GPC6: variants seen among roughly 807,000 people sequenced by gnomAD.
The protein encoded by GPC6 is glypican 6.
Under a neutral mutation model 55.2 loss-of-function variants are expected in GPC6, and 14 were observed. The observed-to-expected ratio is 0.25, with a 90% CI of 0.17 to 0.40. The LOEUF is 0.40. GPC6 is among the 10% of genes least tolerant of loss of function. The probability of loss-of-function intolerance (pLI) is 1.00; values close to 1 mark genes in which losing one functional copy is unlikely to be tolerated. For missense variants in GPC6, 641 were observed against 708.5 expected (o/e 0.90, Z 1.08); for synonymous variants, 278 against 259.6 (o/e 1.07, Z -0.68).
At chr13:94,316,525 G>T (rs1302347958) in intron 6 of GPC6, among the ~76,000 whole-genome samples, 1 of 151,940 alleles carries the variant, frequency 6.6e-6, no homozygotes, top group African/African-American at 2.4e-5. Flanking sequence ...AGACCATCCC[G>T]GCTAAAACGG....
chr13:94,282,937 T>C (rs1331154502), intron 4 of GPC6, among the ~76,000 whole-genome samples: 3 of 152,252 alleles, frequency 2.0e-5, no homozygotes, highest in Admixed American at 1.3e-4. Context: ...GTGTCGAAGA[T>C]ATTGCAGTCA....
intron 1 of GPC6, among the ~76,000 whole-genome samples, chr13:93,423,317 C>A (rs148069410): frequency 6.6e-6 from 1 of 152,154 alleles, no homozygotes; most frequent in African/African-American, 2.4e-5. Context: ...CTAAGCAGGA[C>A]AGAAAGTTGA....
At chr13:94,018,942 C>G (rs1181940876) in intron 3 of GPC6, among the ~76,000 whole-genome samples, 1 of 152,192 alleles carries the variant, frequency 6.6e-6, no homozygotes, top group Non-Finnish European at 1.5e-5. Flanking sequence ...ACCATTCCCC[C>G]ACCCCCACAC....
chr13:94,152,713 G>A (rs1887786218), intron 4 of GPC6, among the ~76,000 whole-genome samples: 1 of 151,912 alleles, frequency 6.6e-6, no homozygotes, highest in South Asian at 2.1e-4. Context: ...TCTCTTCAGT[G>A]CTGCAACTCT....
intron 3 of GPC6, among the ~76,000 whole-genome samples, chr13:93,832,122 A>ATATATAT (rs1223571882): frequency 8.3e-5 from 1 of 12,052 alleles, no homozygotes; most frequent in African/African-American, 4.4e-4. Flanking sequence ...AAAAAAAAAA[A>ATATATAT]ATATATATAT....
chr13:93,893,450 C>T (rs549928363), intron 3 of GPC6, among the ~76,000 whole-genome samples: 1 of 152,208 alleles, frequency 6.6e-6, no homozygotes, highest in East Asian at 1.9e-4. Context: ...ATATCTAAAA[C>T]AATCTATTAA....
intron 4 of GPC6, among the ~76,000 whole-genome samples, chr13:94,201,576 AAT>A (rs1889751271): frequency 6.6e-6 from 1 of 152,166 alleles, no homozygotes; most frequent in Admixed American, 6.5e-5. Context: ...AAAATTAACA[AAT>A]ATATGTCATG....
intron 3 of GPC6, among the ~76,000 whole-genome samples, chr13:93,882,080 C>CTTTT (rs1042433594): frequency 6.6e-6 from 1 of 150,852 alleles, no homozygotes; most frequent in South Asian, 2.1e-4. Flanking sequence ...CTTTTCTCTT[C>CTTTT]TTTTTTTTCT....
At chr13:93,495,222 T>C in intron 1 of GPC6, among the ~76,000 whole-genome samples, 1 of 140,246 alleles carries the variant, frequency 7.1e-6, no homozygotes, top group Non-Finnish European at 1.6e-5. Context: ...TTTGCTCATT[T>C]CTTTTTATTC....
At chr13:94,131,669 C>T (rs1026451921) in intron 4 of GPC6, among the ~76,000 whole-genome samples, 1 of 151,294 alleles carries the variant, frequency 6.6e-6, no homozygotes, top group Non-Finnish European at 1.5e-5. Flanking sequence ...GGAAAGAGGC[C>T]GTGAGTCTGA....
At chr13:93,526,030 A>C (rs191968203) in intron 1 of GPC6, among the ~76,000 whole-genome samples, 1 of 152,078 alleles carries the variant, frequency 6.6e-6, no homozygotes, top group African/African-American at 2.4e-5. Context: ...GTTAACAAAG[A>C]TGTATGATAT....
chr13:94,264,193 T>A (rs990762284), intron 4 of GPC6, among the ~76,000 whole-genome samples: 2 of 152,224 alleles, frequency 1.3e-5, no homozygotes, highest in African/African-American at 4.8e-5. Flanking sequence ...GGATCTAACA[T>A]GTTAGGCAAA....
chr13:94,397,019 G>A (rs1007743689), intron 7 of GPC6, among the ~76,000 whole-genome samples: 4 of 152,128 alleles, frequency 2.6e-5, no homozygotes, highest in South Asian at 2.1e-4. Flanking sequence ...AAAGATGTGC[G>A]TCAAATGTTT....
intron 1 of GPC6, among the ~76,000 whole-genome samples, chr13:93,442,487 A>G (rs774113422): frequency 6.6e-5 from 10 of 152,230 alleles, no homozygotes; most frequent in Non-Finnish European, 1.5e-4. Context: ...ACAATTTTAT[A>G]TCATCCTTCT....
chr13:93,489,350 A>G (rs1879861732), intron 1 of GPC6, among the ~76,000 whole-genome samples: 1 of 151,504 alleles, frequency 6.6e-6, no homozygotes, highest in Non-Finnish European at 1.5e-5. Flanking sequence ...TGGTACCAGT[A>G]CCATGCTGTT....
At chr13:94,146,094 A>G (rs1220765649) in intron 4 of GPC6, among the ~76,000 whole-genome samples, 2 of 152,166 alleles carry the variant, frequency 1.3e-5, no homozygotes, top group Non-Finnish European at 2.9e-5. Context: ...GTTTTCTGAT[A>G]TTTCTGCTTT....
At chr13:94,231,656 A>T (rs1307169043) in intron 4 of GPC6, among the ~76,000 whole-genome samples, 1 of 152,196 alleles carries the variant, frequency 6.6e-6, no homozygotes, top group Non-Finnish European at 1.5e-5. Flanking sequence ...GAGATCTCGG[A>T]AAATGGCTTT....
the GPC6 span, among the ~76,000 whole-genome samples, chr13:93,218,453 GC>G: frequency 2.0e-5 from 3 of 152,106 alleles, no homozygotes; most frequent in Non-Finnish European, 4.4e-5. Context: ...CAAGATCAGT[GC>G]TATTTTCCTA....
intron 6 of GPC6, among the ~76,000 whole-genome samples, chr13:94,362,527 G>C (rs185591743): frequency 6.6e-6 from 1 of 152,134 alleles, no homozygotes; most frequent in Admixed American, 6.5e-5. Flanking sequence ...TTTTATTCTC[G>C]GGGATAAGAC....
Sources: allele counts gnomAD v4.1 joint callset (sites outside exome capture counted in the v4.1 genomes callset), GRCh38; gene constraint gnomAD v4.1.1; transcripts MANE v1.5; gene names NCBI Gene and HGNC (gene_info 2026-07-23, HGNC 2026-07-21).